Variants in FARS2 observed in about 807,000 individuals in gnomAD.
FARS2 encodes the protein phenylalanine--tRNA ligase, mitochondrial.
In FARS2, 40 loss-of-function variants were observed where a neutral mutation model predicts 46.4. The ratio of observed to expected loss-of-function variants is 0.86; its 90% CI spans 0.67 to 1.12. The LOEUF is 1.12. Ranked by LOEUF, FARS2 falls within the 50% of genes most tolerant of loss-of-function variation. The pLI, the probability that FARS2 is intolerant of heterozygous loss-of-function variation, is 0.00. For missense variants in FARS2, 513 were observed against 567.9 expected, an observed-to-expected ratio of 0.90 and a Z score of 0.98; for synonymous variants, 234 against 214.9, an observed-to-expected ratio of 1.09 and a Z score of -0.78.
chr6:5,387,868 T>C (rs1291528671), intron 2 of FARS2, among the ~76,000 whole-genome samples: 1 of 152,204 alleles, frequency 6.6e-6, no homozygotes, highest in Non-Finnish European at 1.5e-5. Flanking sequence ...CAGAGGAGTA[T>C]ATTGTCTCTA....
chr6:5,539,007 A>C (rs1770397370), intron 4 of FARS2, among the ~76,000 whole-genome samples: 1 of 151,910 alleles, frequency 6.6e-6, no homozygotes, highest in Non-Finnish European at 1.5e-5. Flanking sequence ...TGCCCGCGGG[A>C]ATGACCCCCT....
At chr6:5,613,077 C>T in intron 5 of FARS2, 92 bp from the exon 6 acceptor site, 1 of 1,022,980 alleles carries the variant, frequency 9.8e-7, no homozygotes, top group Non-Finnish European at 1.5e-6. Flanking sequence ...ACTAGCATTT[C>T]CTAATTAGTC....
At chr6:5,441,931 T>TG (rs1300060420) in intron 4 of FARS2, among the ~76,000 whole-genome samples, 1 of 152,186 alleles carries the variant, frequency 6.6e-6, no homozygotes, top group Non-Finnish European at 1.5e-5. Flanking sequence ...TTTGGCAGTC[T>TG]GATACGTTTA....
intron 1 of FARS2, among the ~76,000 whole-genome samples, chr6:5,266,894 CTATT>C (rs112403803): frequency 0.029 from 4,475 of 152,040 alleles, 213 homozygotes; most frequent in African/African-American, 0.1. Flanking sequence ...TTTAGGTTGT[CTATT>C]TATGTGTGTA....
intron 1 of FARS2, among the ~76,000 whole-genome samples, chr6:5,275,434 G>C (rs974964153): frequency 6.6e-6 from 1 of 152,008 alleles, no homozygotes; most frequent in Non-Finnish European, 1.5e-5. Context: ...CTACATAATA[G>C]AAGGTTCCTG....
intron 5 of FARS2, among the ~76,000 whole-genome samples, chr6:5,575,395 A>C (rs1247807255): frequency 6.6e-6 from 1 of 152,214 alleles, no homozygotes; most frequent in Non-Finnish European, 1.5e-5. Flanking sequence ...GAATCTGGGC[A>C]TCATGAGGAT....
the FARS2 span, among the ~76,000 whole-genome samples, chr6:5,251,606 C>G: frequency 4.6e-5 from 7 of 152,278 alleles, no homozygotes; most frequent in East Asian, 1.3e-3. Context: ...AGGACAGTAC[C>G]AAGGGGAATG....
At chr6:5,407,645 G>A (rs1761692711) in intron 3 of FARS2, among the ~76,000 whole-genome samples, 1 of 151,806 alleles carries the variant, frequency 6.6e-6, no homozygotes, top group South Asian at 2.1e-4. Context: ...AAATGTTATG[G>A]TTTGATAAAA....
At chr6:5,283,690 C>G (rs915310130) in intron 1 of FARS2, among the ~76,000 whole-genome samples, 2 of 152,034 alleles carry the variant, frequency 1.3e-5, no homozygotes, top group African/African-American at 2.4e-5. Flanking sequence ...ACATTTATAT[C>G]GCATTTCTAA....
chr6:5,327,082 T>C (rs1004482202), intron 1 of FARS2, among the ~76,000 whole-genome samples: 3 of 152,312 alleles, frequency 2.0e-5, no homozygotes, highest in South Asian at 4.1e-4. Flanking sequence ...TGATTCCTTA[T>C]GCTGGAGTGA....
intron 6 of FARS2, among the ~76,000 whole-genome samples, chr6:5,641,497 A>G (rs1016899619): frequency 1.3e-5 from 2 of 152,042 alleles, no homozygotes; most frequent in African/African-American, 4.8e-5. Context: ...GGGTTTTGCC[A>G]TGTTGGCCAG....
At chr6:5,700,412 CTTTTTTTT>C (rs574788039) in intron 6 of FARS2, among the ~76,000 whole-genome samples, 1 of 144,626 alleles carries the variant, frequency 6.9e-6, no homozygotes, top group African/African-American at 2.5e-5. Context: ...GTGGCAATTT[CTTTTTTTT>C]TTTTGAGATG....
chr6:5,285,659 A>T (rs1475783345), intron 1 of FARS2, among the ~76,000 whole-genome samples: 1 of 152,174 alleles, frequency 6.6e-6, no homozygotes, highest in Admixed American at 6.5e-5. Context: ...GTTCCATATC[A>T]GCAGCTTTAG....
Position 5,404,528 on chromosome 6 carries a change from C to T in FARS2, c.613-14C>T. The T allele has an allele frequency of 1.3e-6, 2 of 1,546,676 alleles. No individual in the cohort carries two copies. The highest frequency in any genetic ancestry group is 1.8e-6 in the Non-Finnish European group (2 of 1,142,330). On this transcript the variant is annotated splice_polypyrimidine_tract_variant and intron_variant, in intron 2 of 6. Transcript: ENST00000274680. The stretch of plus-strand genomic sequence containing the variant: ...GGATATTTTCTTTATTTATACTTTC[C>T]TGTTGGTTTACAGTTATTTGCTGGT...
At chr6:5,766,783 C>G (rs1762773541) in intron 6 of FARS2, among the ~76,000 whole-genome samples, 1 of 151,984 alleles carries the variant, frequency 6.6e-6, no homozygotes, top group Admixed American at 6.6e-5. Flanking sequence ...ATGTCATTAC[C>G]CCAAAGGAAA....
chr6:5,521,371 GAAAA>G (rs71657436), intron 4 of FARS2, among the ~76,000 whole-genome samples: 13 of 124,110 alleles, frequency 1.0e-4, no homozygotes. Context: ...TTTCTACTAA[GAAAA>G]AAAAAAAAAA....
At chr6:5,698,264 G>C (rs183495536) in intron 6 of FARS2, among the ~76,000 whole-genome samples, 1 of 152,260 alleles carries the variant, frequency 6.6e-6, no homozygotes, top group East Asian at 1.9e-4. Flanking sequence ...GGGAGGCCTC[G>C]GGAAGCTCAC....
intron 6 of FARS2, among the ~76,000 whole-genome samples, chr6:5,629,849 G>T (rs1338103185): frequency 6.6e-6 from 1 of 152,086 alleles, no homozygotes; most frequent in Non-Finnish European, 1.5e-5. Flanking sequence ...GGGAAACGGG[G>T]CCAGTTCAAA....
At chr6:5,569,837 C>T (rs1413784233) in intron 5 of FARS2, among the ~76,000 whole-genome samples, 2 of 152,032 alleles carry the variant, frequency 1.3e-5, no homozygotes, top group African/African-American at 4.8e-5. Context: ...TTGGGAATGG[C>T]TGTCAAGAGG....
Sources: allele counts gnomAD v4.1 joint callset (sites outside exome capture counted in the v4.1 genomes callset), GRCh38; gene constraint gnomAD v4.1.1; transcripts MANE v1.5; gene names NCBI Gene and HGNC (gene_info 2026-07-23, HGNC 2026-07-21).